Variants in AGAP1 observed in about 807,000 individuals in gnomAD.
AGAP1 encodes arf-GAP with GTPase, ANK repeat and PH domain-containing protein 1.
In AGAP1, 29 loss-of-function variants were observed where a neutral mutation model predicts 105.3. The ratio of observed to expected loss-of-function variants is 0.28; its 90% CI spans 0.21 to 0.38. The LOEUF (loss-of-function observed/expected upper bound fraction) is 0.38. Ranked by LOEUF, AGAP1 falls within the 10% of genes least tolerant of loss-of-function variation. AGAP1 has a pLI of 1.00. For synonymous variants in AGAP1, 509 were observed against 485.9 expected, an observed-to-expected ratio of 1.05 and a Z score of -0.63; for missense variants, 998 against 1,165.1, an observed-to-expected ratio of 0.86 and a Z score of 2.09.
In AGAP1 at chr2:235,691,744, T is replaced by G. The variant is rs1949743624; in HGVS notation, c.164-17435T>G. Among the ~76,000 whole-genome samples, 1 of 152,180 alleles carries G rather than the reference T, an allele frequency of 6.6e-6. No individual in the cohort carries two copies. The highest frequency in any genetic ancestry group is 2.1e-4 in the South Asian group (1 of 4,830). On this transcript the variant is annotated intron_variant, in intron 1 of 17. Transcript: ENST00000304032. This position sits in a 1 kb window ranked among gnomAD's most constrained non-coding sequence, Gnocchi z 4.4. ...GGGGACCACGCCTCCCTTCCCTTCC[T>G]TCCCTGTCCTGAGTGTGACCTCCGT... is the stretch of plus-strand genomic sequence containing the variant.
chr2:235,757,074 C>T (rs115411602), intron 6 of AGAP1, among the ~76,000 whole-genome samples: 2,583 of 152,322 alleles, frequency 0.017, 80 homozygotes, highest in African/African-American at 0.059. Context: ...CCCACCAAAA[C>T]GTCAGCGTCT....
rs1377589674 is a variant in AGAP1, at chr2:235,845,378, G to C, written c.1051-37967G>C. ...CACCATGCTGGCTTCTGGGAGTGCA[G>C]ATTTTGCAGACATGGAAGCAGAAAA... is the stretch of plus-strand genomic sequence containing the variant. On this transcript the variant is annotated intron_variant, in intron 9 of 17. Coordinates refer to ENST00000304032, the MANE Select transcript of AGAP1 (RefSeq NM_001037131.3). This position sits in a 1 kb window ranked among gnomAD's most constrained non-coding sequence, Gnocchi z 4.8. Among the ~76,000 whole-genome samples, 2 of 152,126 alleles carry C rather than the reference G, an allele frequency of 1.3e-5. No individual in the cohort carries two copies. The highest frequency in any genetic ancestry group is 1.9e-4 in the East Asian group (1 of 5,190).
intron 1 of AGAP1, among the ~76,000 whole-genome samples, chr2:235,530,534 C>T (rs556127967): frequency 1.5e-4 from 23 of 152,256 alleles, no homozygotes; most frequent in African/African-American, 5.3e-4. Context: ...AATTTGTTTC[C>T]TTGCTTTTTC....
intron 13 of AGAP1, among the ~76,000 whole-genome samples, chr2:236,024,626 G>A (rs1034838268): frequency 2.6e-5 from 4 of 152,064 alleles, no homozygotes; most frequent in African/African-American, 4.8e-5. Context: ...AATTGATGAC[G>A]GATTGGCCCA....
At chr2:235,730,347 T>C (rs947183778) in intron 3 of AGAP1, among the ~76,000 whole-genome samples, 1 of 152,036 alleles carries the variant, frequency 6.6e-6, no homozygotes, top group Non-Finnish European at 1.5e-5. Flanking sequence ...CTCTGGATTC[T>C]AACACTTGTG....
intron 1 of AGAP1, among the ~76,000 whole-genome samples, chr2:235,624,428 C>T (rs1946575896): frequency 6.6e-6 from 1 of 152,150 alleles, no homozygotes. Context: ...CTACAGTGGT[C>T]GCCTGCTGAA....
At chr2:235,670,159 CG>C in intron 1 of AGAP1, 1 of 583,748 alleles carries the variant, frequency 1.7e-6, no homozygotes, top group South Asian at 1.8e-5. Context: ...CGATGCCGCG[CG>C]GGACGCCCCC....
In AGAP1 at chr2:236,009,085, C is replaced by T. The variant is rs1334917187; in HGVS notation, c.1646-27476C>T. ...CATGACTCCTTCTCTGTGAGCTCTC[C>T]GCTAGGAAGCGGCCATCATGTCAAG... On this transcript the variant is annotated intron_variant, in intron 13 of 17. Transcript: ENST00000304032. The surrounding 1 kb of genome is among the most constrained non-coding windows in gnomAD (Gnocchi z 4.2). 6.6e-6 allele frequency among the ~76,000 whole-genome samples: 1 copy of T among 152,172 alleles called. No individual in the cohort carries two copies. Among genetic ancestry groups the T allele is most frequent in the East Asian group, 1.9e-4 (1 of 5,198 alleles).
At chr2:235,857,533 C>T (rs2048738866) in intron 9 of AGAP1, among the ~76,000 whole-genome samples, 1 of 152,204 alleles carries the variant, frequency 6.6e-6, no homozygotes, top group Non-Finnish European at 1.5e-5. Context: ...CAGCTTCCCA[C>T]CCTGATTGCA....
rs377102839 is a variant in AGAP1 at position 235,917,222 on chromosome 2, G to A, written c.1324+8316G>A. Among the ~76,000 whole-genome samples the A allele has an allele frequency of 2.3e-3, 354 of 152,140 alleles. 1 individual carries two copies. Among genetic ancestry groups the A allele is most frequent in the African/African-American group, 7.9e-3 (326 of 41,490 alleles). The stretch of plus-strand genomic sequence containing the variant: ...TTTCGAAATATTAAAGCCTTCAGGA[G>A]GGTTGAAGCTGATTTTCCAGGGGAG... On this transcript the variant is annotated intron_variant, in intron 11 of 17. Transcript: ENST00000304032.
In AGAP1 at chr2:235,834,375, G is replaced by A. The variant is rs113619566; in HGVS notation, c.1050+27044G>A. Among the ~76,000 whole-genome samples the A allele has an allele frequency of 2.8e-3, 421 of 152,262 alleles. 1 individual carries two copies. The highest frequency in any genetic ancestry group is 8.8e-3 in the African/African-American group (364 of 41,552). ...CACTGCAGATTCAGATATGCCTTCT[G>A]TCCTTTCAAAGGGTGTATCCTGGTT... is the stretch of plus-strand genomic sequence containing the variant. On this transcript the variant is annotated intron_variant, in intron 9 of 17. Transcript: ENST00000304032.
chr2:235,595,916 G>T (rs1945511515), intron 1 of AGAP1, among the ~76,000 whole-genome samples: 1 of 152,220 alleles, frequency 6.6e-6, no homozygotes, highest in Admixed American at 6.5e-5. Flanking sequence ...AACTATGATG[G>T]AGAAGCACAA....
intron 12 of AGAP1, among the ~76,000 whole-genome samples, chr2:235,950,543 A>AT (rs1398561477): frequency 1.2e-4 from 18 of 151,918 alleles, no homozygotes; most frequent in Admixed American, 2.0e-4. Flanking sequence ...AGGTGGGTGG[A>AT]TAGTCACTGA....
chr2:235,971,043 C>T lies in AGAP1; in HGVS notation c.1645+2420C>T, dbSNP rs531756505. On this transcript the variant is annotated intron_variant, in intron 13 of 17. Transcript: ENST00000304032. This position sits in a 1 kb window ranked among gnomAD's most constrained non-coding sequence, Gnocchi z 4.8. ...GGTGTCTCAAACATGGATGTGTAAG[C>T]GGGTGACGTGTGTTTGGAAGTCCAA... 4.6e-5 allele frequency among the ~76,000 whole-genome samples: 7 copies of T among 152,254 alleles called. No individual in the cohort carries two copies. The highest frequency in any genetic ancestry group is 8.8e-5 in the Non-Finnish European group (6 of 68,012).
intron 1 of AGAP1, 71 bp downstream of exon 1, chr2:235,494,920 G>A: frequency 7.1e-7 from 1 of 1,411,800 alleles, no homozygotes; most frequent in Non-Finnish European, 9.4e-7. Context: ...TGTGCGCTGT[G>A]TGCGTGCGGG....
chr2:236,107,124 G>A (rs1422585324), intron 16 of AGAP1, among the ~76,000 whole-genome samples: 11 of 60,478 alleles, frequency 1.8e-4, no homozygotes, highest in East Asian at 4.4e-4. Flanking sequence ...CCCCACCCCC[G>A]CCAGCGGATT....
Position 236,036,667 on chromosome 2 carries a change from G to C in AGAP1, c.1752G>C (p.Glu584Asp), listed in dbSNP as rs902269282. Residue 584 changes from glutamate to aspartate, a missense_variant, in exon 14 of 18, where the codon GAG (glutamate) becomes GAC (aspartate). Physicochemically the swap from Glu to Asp is conservative, Grantham distance 45 (BLOSUM62 2). This residue lies in a region of AGAP1 where 735 missense variants were observed against 833.4 expected (regional missense o/e 0.88). Transcript: ENST00000304032. The surrounding 1 kb of genome is among the most constrained non-coding windows in gnomAD (Gnocchi z 5.7). The stretch of plus-strand genomic sequence containing the variant: ...GGGACGCCTGGGTCCAAGCCATCGA[G>C]AGCCAGATCCTGGCCAGCCTGCAGT... ...EERDAWVQAI[E>D]SQILASLQSC... The C allele has an allele frequency of 6.2e-7, 1 of 1,614,096 alleles. No homozygotes were observed. Among genetic ancestry groups the C allele is most frequent in the Non-Finnish European group, 8.5e-7 (1 of 1,180,046 alleles).
At chr2:235,568,528 GC>G (rs1388923156) in intron 1 of AGAP1, among the ~76,000 whole-genome samples, 1 of 152,184 alleles carries the variant, frequency 6.6e-6, no homozygotes. Flanking sequence ...TGGACTCGTG[GC>G]AGAACCGAGA....
At position 236,005,805 on chromosome 2, in the gene AGAP1, A is replaced by G. The variant is rs545063082; in HGVS notation, c.1646-30756A>G. On this transcript the variant is annotated intron_variant, in intron 13 of 17. Coordinates refer to ENST00000304032, the MANE Select transcript of AGAP1 (RefSeq NM_001037131.3). This position sits in a 1 kb window ranked among gnomAD's most constrained non-coding sequence, Gnocchi z 4.1. ...CAGGGTGAAGTGCTATTTCCATCCT[A>G]TCCTGTCAAGGGTATATACCATCAA... Among the ~76,000 whole-genome samples the G allele has an allele frequency of 3.4e-4, 52 of 152,212 alleles. No homozygotes were observed. The highest frequency in any genetic ancestry group is 6.8e-4 in the Non-Finnish European group (46 of 68,040).
Sources: allele counts gnomAD v4.1 joint callset (sites outside exome capture counted in the v4.1 genomes callset), GRCh38; gene constraint gnomAD v4.1.1; regional missense constraint gnomAD v4.1.1; non-coding constraint Gnocchi (gnomAD v3.1); transcripts MANE v1.5; gene names NCBI Gene and HGNC (gene_info 2026-07-23, HGNC 2026-07-21).